The following GRM1 variants were observed in gnomAD, a reference collection of about 807,000 sequenced individuals.
The protein encoded by GRM1 is glutamate metabotropic receptor 1.
A neutral mutation model predicts 90.9 loss-of-function variants in GRM1; 33 were observed. That is an observed-to-expected ratio of 0.36 (90% CI 0.28 to 0.49). The LOEUF is 0.49. GRM1 is among the 20% of genes least tolerant of loss of function. The pLI is 0.99. For synonymous variants in GRM1, 700 were observed against 613.2 expected, an observed-to-expected ratio of 1.14 and a Z score of -2.09; for missense variants, 1,190 against 1,534.3, an observed-to-expected ratio of 0.78 and a Z score of 3.75.
chr6:146,328,050 G>C (rs1459344963), intron 3 of GRM1, among the ~76,000 whole-genome samples: 1 of 151,982 alleles, frequency 6.6e-6, no homozygotes, highest in Admixed American at 6.6e-5. Flanking sequence ...ATTTGGTCAG[G>C]GGCAGCTGCT....
chr6:146,299,368 T>A (rs931193235), intron 2 of GRM1, among the ~76,000 whole-genome samples: 1 of 152,108 alleles, frequency 6.6e-6, no homozygotes, highest in Non-Finnish European at 1.5e-5. Context: ...CCTTGTTGAG[T>A]ACCAAGTATT....
At chr6:146,353,039 G>A (rs918236017) in intron 4 of GRM1, among the ~76,000 whole-genome samples, 6 of 152,066 alleles carry the variant, frequency 3.9e-5, no homozygotes, top group Non-Finnish European at 7.4e-5. Flanking sequence ...TTTCTTTTTG[G>A]GATTGAGCCC....
At chr6:146,323,907 T>A (rs571738660) in intron 3 of GRM1, among the ~76,000 whole-genome samples, 4 of 152,220 alleles carry the variant, frequency 2.6e-5, no homozygotes, top group African/African-American at 9.6e-5. Flanking sequence ...GTTGTAGATA[T>A]GTGGCATTAT....
At chr6:146,385,671 T>C (rs1024128737) in intron 5 of GRM1, among the ~76,000 whole-genome samples, 2 of 151,854 alleles carry the variant, frequency 1.3e-5, no homozygotes, top group Non-Finnish European at 2.9e-5. Context: ...ATATAATATC[T>C]TTGTTATTTT....
At chr6:146,257,708 A>AAT (rs1781538177) in intron 2 of GRM1, among the ~76,000 whole-genome samples, 1 of 152,182 alleles carries the variant, frequency 6.6e-6, no homozygotes, top group Non-Finnish European at 1.5e-5. Flanking sequence ...CTCGTGAACC[A>AAT]GCTCAAGCAT....
At position 146,029,643 on chromosome 6, in the gene GRM1, C is replaced by T; in HGVS notation, c.126C>T (p.Asp42=). The T allele has an allele frequency of 6.8e-6, 11 of 1,614,022 alleles. No homozygotes were observed. Among genetic ancestry groups the T allele is most frequent in the Middle Eastern group, 1.6e-4 (1 of 6,062 alleles). The change falls in exon 1 of 8, where the codon GAC becomes GAT. Residue 42 remains aspartate (D), a synonymous_variant. Transcript: ENST00000282753. ...ASSQRSVARM[D]GDVIIGALFS... ...CTCAGCGCTCGGTGGCCAGAATGGA[C>T]GGAGATGTCATCATTGGAGCCCTCT...
At chr6:146,160,355 CT>C (rs1373091275) in intron 2 of GRM1, among the ~76,000 whole-genome samples, 4 of 152,166 alleles carry the variant, frequency 2.6e-5, no homozygotes, top group Non-Finnish European at 5.9e-5. Context: ...ATCACGTGTA[CT>C]TGTTTGGCAA....
At chr6:146,208,883 A>G (rs1034965603) in intron 2 of GRM1, among the ~76,000 whole-genome samples, 3 of 152,140 alleles carry the variant, frequency 2.0e-5, no homozygotes, top group Non-Finnish European at 4.4e-5. Context: ...ATTTCTTTAA[A>G]AACCCAAGAT....
chr6:146,241,071 G>A (rs1326942441), intron 2 of GRM1, among the ~76,000 whole-genome samples: 3 of 152,030 alleles, frequency 2.0e-5, no homozygotes, highest in South Asian at 2.1e-4. Context: ...AGCAGCTGCC[G>A]GATTTTCCTG....
intron 1 of GRM1, among the ~76,000 whole-genome samples, chr6:146,094,837 G>A (rs1198024803): frequency 6.6e-6 from 1 of 152,138 alleles, no homozygotes; most frequent in African/African-American, 2.4e-5. Context: ...AGTTTAAAGA[G>A]GGAGACCAGG....
At chr6:146,093,569 C>A (rs1285514726) in intron 1 of GRM1, among the ~76,000 whole-genome samples, 1 of 152,048 alleles carries the variant, frequency 6.6e-6, no homozygotes, top group Non-Finnish European at 1.5e-5. Flanking sequence ...AGTTCTAGCC[C>A]CATACATCAC....
intron 1 of GRM1, among the ~76,000 whole-genome samples, chr6:146,101,656 T>C (rs1433804098): frequency 1.3e-5 from 2 of 152,118 alleles, no homozygotes; most frequent in Non-Finnish European, 1.5e-5. Context: ...AAGGTCCTTA[T>C]GTTGATTTTT....
At chr6:146,214,912 A>G (rs2114657601) in intron 2 of GRM1, among the ~76,000 whole-genome samples, 1 of 152,316 alleles carries the variant, frequency 6.6e-6, no homozygotes, top group East Asian at 1.9e-4. Flanking sequence ...CAGTGACAGG[A>G]CTAGATGGGC....
chr6:146,079,406 G>A (rs923017138), intron 1 of GRM1, among the ~76,000 whole-genome samples: 2 of 152,112 alleles, frequency 1.3e-5, no homozygotes, highest in African/African-American at 2.4e-5. Context: ...AGTAAAAAGG[G>A]GGTACTCTGC....
chr6:146,424,162 C>T (rs1020858687), intron 7 of GRM1, among the ~76,000 whole-genome samples: 2 of 152,214 alleles, frequency 1.3e-5, no homozygotes, highest in Non-Finnish European at 1.5e-5. Flanking sequence ...AATAACAGTG[C>T]AGAGACACCT....
At chr6:146,254,253 C>G (rs949791328) in intron 2 of GRM1, among the ~76,000 whole-genome samples, 8 of 151,840 alleles carry the variant, frequency 5.3e-5, no homozygotes, top group African/African-American at 1.9e-4. Flanking sequence ...TCCTGTTTTT[C>G]CTCTTTATGT....
chr6:146,155,639 A>G (rs780718915), intron 1 of GRM1, among the ~76,000 whole-genome samples: 1 of 152,230 alleles, frequency 6.6e-6, no homozygotes, highest in East Asian at 1.9e-4. Context: ...TATGACTGAT[A>G]AGATCACCCA....
chr6:146,037,235 G>A (rs1326745040), intron 1 of GRM1, among the ~76,000 whole-genome samples: 1 of 151,946 alleles, frequency 6.6e-6, no homozygotes, highest in Non-Finnish European at 1.5e-5. Context: ...GCAAGTCCAA[G>A]AAGCCAGTTA....
chr6:146,098,146 T>C lies in GRM1; in HGVS notation c.701-61202T>C, dbSNP rs1582998465. On this transcript the variant is annotated intron_variant, in intron 1 of 7. Transcript: ENST00000282753. ...CTGATTTGACACCATTGTACCAAAT[T>C]AGTCTTCAAAATTGTATACTAAAGA... Among the ~76,000 whole-genome samples the C allele has an allele frequency of 3.3e-5, 5 of 152,342 alleles. No homozygotes were observed. The South Asian group carries it at 1.0e-3, about 32-fold the overall frequency.
Sources: allele counts gnomAD v4.1 joint callset (sites outside exome capture counted in the v4.1 genomes callset), GRCh38; gene constraint gnomAD v4.1.1; transcripts MANE v1.5; gene names NCBI Gene and HGNC (gene_info 2026-07-23, HGNC 2026-07-21).